Variants in ADARB2 observed in about 807,000 individuals in gnomAD.
ADARB2 encodes the protein inactive double-stranded RNA-specific editase B2.
In ADARB2, 25 loss-of-function variants were observed where a neutral mutation model predicts 62.2. The ratio of observed to expected loss-of-function variants is 0.40; its 90% CI spans 0.29 to 0.56. The LOEUF (loss-of-function observed/expected upper bound fraction) is 0.56. Ranked by LOEUF, ADARB2 falls within the 20% of genes least tolerant of loss-of-function variation. The pLI, the probability that ADARB2 is intolerant of heterozygous loss-of-function variation, is 0.43. For missense variants in ADARB2, 1,071 were observed against 1,077.4 expected (o/e 0.99, Z 0.08); for synonymous variants, 572 against 500.8 (o/e 1.14, Z -1.90).
At chr10:1,649,323 C>A (rs1179777088) in intron 1 of ADARB2, among the ~76,000 whole-genome samples, 1 of 152,116 alleles carries the variant, frequency 6.6e-6, no homozygotes, top group Non-Finnish European at 1.5e-5. Context: ...TTTCAAAGTC[C>A]CTTGTGACTC....
intron 4 of ADARB2, among the ~76,000 whole-genome samples, chr10:1,254,860 A>C (rs1223653104): frequency 1.3e-5 from 2 of 152,392 alleles, no homozygotes; most frequent in African/African-American, 4.8e-5. Flanking sequence ...GGGCATCCAC[A>C]GATGCCATGG....
intron 1 of ADARB2, among the ~76,000 whole-genome samples, chr10:1,693,513 T>C (rs1398332411): frequency 6.6e-6 from 1 of 152,236 alleles, no homozygotes; most frequent in Non-Finnish European, 1.5e-5. Context: ...AAATTATTTT[T>C]CCTATTGGAT....
intron 8 of ADARB2, among the ~76,000 whole-genome samples, chr10:1,192,859 C>T (rs2011437): frequency 0.75 from 113,500 of 152,168 alleles, 42,763 homozygotes; most frequent in East Asian, 0.95. Flanking sequence ...AGGAGAATGG[C>T]GTGAACCCGG....
intron 1 of ADARB2, among the ~76,000 whole-genome samples, chr10:1,402,282 G>A (rs1832671362): frequency 6.6e-6 from 1 of 152,206 alleles, no homozygotes; most frequent in Non-Finnish European, 1.5e-5. Flanking sequence ...CTGGCCAGGG[G>A]TAGGGCGCCT....
intron 1 of ADARB2, among the ~76,000 whole-genome samples, chr10:1,487,054 T>C (rs1352081432): frequency 1.3e-5 from 2 of 152,220 alleles, no homozygotes; most frequent in Admixed American, 6.5e-5. Context: ...CGTGGAGCCC[T>C]GGGCCCCACC....
At chr10:1,227,052 A>C (rs529072640) in intron 6 of ADARB2, among the ~76,000 whole-genome samples, 18 of 152,356 alleles carry the variant, frequency 1.2e-4, no homozygotes, top group African/African-American at 4.1e-4. Context: ...GGCTCCACCC[A>C]GTTTGAGCTT....
chr10:1,351,578 A>G (rs537598664), intron 3 of ADARB2, among the ~76,000 whole-genome samples: 195 of 152,058 alleles, frequency 1.3e-3, no homozygotes, highest in Middle Eastern at 6.8e-3. Context: ...CCCCCAGTTC[A>G]AAGCCTCCTT....
intron 6 of ADARB2, among the ~76,000 whole-genome samples, chr10:1,226,127 C>T (rs912242436): frequency 1.3e-5 from 2 of 152,130 alleles, no homozygotes; most frequent in East Asian, 1.9e-4. Context: ...TCTTTTTTCT[C>T]TAAACTTCTC....
rs942927127 is a variant in ADARB2 at position 1,178,639 on chromosome 10, G to A, written c.*4554C>T. The A allele has an allele frequency of 3.3e-5, 5 of 152,360 alleles. No individual in the cohort carries two copies. Among genetic ancestry groups the A allele is most frequent in the South Asian group, 4.1e-4 (2 of 4,830 alleles). 9.4% of individuals were successfully genotyped at this position (152,360 alleles called of 1,614,324 possible). On this transcript the variant is annotated 3_prime_UTR_variant, in exon 10 of 10. Coordinates refer to ENST00000381312, the MANE Select transcript of ADARB2 (RefSeq NM_018702.4). Reference sequence around the variant, plus strand: ...AAAGACCCTAAAATACCAGCGAGGCGGGGGGTGGTCTGTCCCTGCTAAGAG... The same window carrying A: ...AAAGACCCTAAAATACCAGCGAGGCAGGGGGTGGTCTGTCCCTGCTAAGAG...
At chr10:1,379,231 C>T (rs1832460750) in intron 1 of ADARB2, 71 bp from the exon 2 acceptor site, 5 of 1,272,060 alleles carry the variant, frequency 3.9e-6, no homozygotes, top group Non-Finnish European at 4.6e-6. Flanking sequence ...TTTATAAGTT[C>T]TTATTACTGA....
chr10:1,441,404 TAA>T (rs1436200315), intron 1 of ADARB2, among the ~76,000 whole-genome samples: 3 of 152,218 alleles, frequency 2.0e-5, no homozygotes, highest in Admixed American at 6.5e-5. Flanking sequence ...TCTTTCAGAA[TAA>T]AGAGACAACT....
intron 1 of ADARB2, among the ~76,000 whole-genome samples, chr10:1,540,253 G>A (rs1452552348): frequency 6.6e-6 from 1 of 152,056 alleles, no homozygotes; most frequent in East Asian, 1.9e-4. Context: ...GTCCACATCT[G>A]ATTTAGGAAA....
At chr10:1,492,302 C>G (rs1425464823) in intron 1 of ADARB2, among the ~76,000 whole-genome samples, 1 of 152,082 alleles carries the variant, frequency 6.6e-6, no homozygotes, top group Non-Finnish European at 1.5e-5. Flanking sequence ...CCCATGGGAC[C>G]TCAGGATGTG....
At chr10:1,270,591 C>CTG (rs35726374) in intron 4 of ADARB2, among the ~76,000 whole-genome samples, 56,167 of 151,764 alleles carry the variant, frequency 0.37, 10,642 homozygotes, top group South Asian at 0.53. Flanking sequence ...AATTCCCTCC[C>CTG]TGAGTTTGAG....
intron 1 of ADARB2, among the ~76,000 whole-genome samples, chr10:1,732,891 T>G (rs921703593): frequency 1.7e-4 from 26 of 152,268 alleles, no homozygotes; most frequent in Admixed American, 1.7e-3. Context: ...CAACTTTTTA[T>G]TTGCATTTCA....
In ADARB2 at chr10:1,426,208, G is replaced by A. The variant is rs1174663700; in HGVS notation, c.101-47048C>T. Among the ~76,000 whole-genome samples the A allele has an allele frequency of 6.6e-6, 1 of 152,134 alleles. No individual in the cohort carries two copies. The highest frequency in any genetic ancestry group is 1.5e-5 in the Non-Finnish European group (1 of 68,020). On this transcript the variant is annotated intron_variant, in intron 1 of 9. Coordinates refer to ENST00000381312, the MANE Select transcript of ADARB2 (RefSeq NM_018702.4). This position sits in a 1 kb window ranked among gnomAD's most constrained non-coding sequence, Gnocchi z 4.1. ...ATGGAGGTATTTTGGGCTCCCTGGT[G>A]AGAGGTGAGGCCAAGCAATGCAGCA...
In ADARB2 at chr10:1,590,562, G is replaced by A. The variant is rs146287917; in HGVS notation, c.100+146489C>T. Among the ~76,000 whole-genome samples the A allele has an allele frequency of 5.0e-3, 765 of 152,264 alleles. 5 individuals are homozygous for A. Among genetic ancestry groups the A allele is most frequent in the Non-Finnish European group, 7.8e-3 (530 of 68,034 alleles). On this transcript the variant is annotated intron_variant, in intron 1 of 9. Coordinates refer to ENST00000381312, the MANE Select transcript of ADARB2 (RefSeq NM_018702.4). The stretch of plus-strand genomic sequence containing the variant: ...GGAGGCAGCACCAGTGTCTGTCATC[G>A]TGGTTCCCCTCTGGCCGTTAGACGA...
intron 6 of ADARB2, among the ~76,000 whole-genome samples, chr10:1,218,577 G>A (rs1479025939): frequency 6.6e-6 from 1 of 152,104 alleles, no homozygotes; most frequent in Non-Finnish European, 1.5e-5. Flanking sequence ...GATATGGCTG[G>A]GATCCGTGTC....
chr10:1,452,021 G>A (rs539998977), intron 1 of ADARB2, among the ~76,000 whole-genome samples: 9 of 152,304 alleles, frequency 5.9e-5, no homozygotes, highest in African/African-American at 2.2e-4. Flanking sequence ...TAGGAATCAC[G>A]GATGTGGAGT....
Sources: gnomAD v4.1 joint callset for allele counts (sites outside exome capture counted in the v4.1 genomes callset) on GRCh38, gnomAD v4.1.1 for gene constraint, Gnocchi (gnomAD v3.1) non-coding constraint, MANE v1.5 for transcripts, NCBI Gene and HGNC (gene_info 2026-07-23, HGNC 2026-07-21) for gene names.